The following MYOF variants were observed in gnomAD, a reference collection of about 807,000 sequenced individuals.
The protein encoded by MYOF is fer-1-like 3, myoferlin.
In MYOF, 244 loss-of-function variants were observed where a neutral mutation model predicts 284.2. The observed-to-expected ratio is 0.86, with a 90% CI of 0.77 to 0.95. MYOF has a LOEUF of 0.95. Ranked by LOEUF, MYOF falls within the 40% of genes least tolerant of loss-of-function variation. The probability of loss-of-function intolerance (pLI) is 0.00; values close to 1 mark genes in which losing one functional copy is unlikely to be tolerated. For synonymous variants in MYOF, 904 were observed against 919.7 expected, an observed-to-expected ratio of 0.98 and a Z score of 0.31; for missense variants, 2,496 against 2,560.6, an observed-to-expected ratio of 0.97 and a Z score of 0.54.
chr10:93,405,799 T>C (rs938335812), intron 7 of MYOF, among the ~76,000 whole-genome samples: 6 of 99,496 alleles, frequency 6.0e-5, no homozygotes, highest in African/African-American at 3.7e-4. Flanking sequence ...CTAGGATTTT[T>C]TTTTTTTTTT....
chr10:93,458,208 T>C (rs1366058466), intron 1 of MYOF, among the ~76,000 whole-genome samples: 1 of 151,834 alleles, frequency 6.6e-6, no homozygotes, highest in South Asian at 2.1e-4. Context: ...AACAATTAGC[T>C]CTGTGTGGTG....
chr10:93,478,861 G>GAAAGAAA (rs2057330499), intron 1 of MYOF, among the ~76,000 whole-genome samples: 2 of 54,522 alleles, frequency 3.7e-5, no homozygotes, highest in Non-Finnish European at 8.7e-5. Context: ...AGAAAGAAAG[G>GAAAGAAA]GTTTGAACAC....
intron 23 of MYOF, 97 bp from the exon 24 acceptor site, chr10:93,373,182 T>C: frequency 7.0e-7 from 1 of 1,419,472 alleles, no homozygotes; most frequent in Non-Finnish European, 9.8e-7. Flanking sequence ...CAGGGATTCA[T>C]TTAGCAAAGA....
At position 93,479,491 on chromosome 10, in the gene MYOF, C is replaced by T. The variant is rs184052360; in HGVS notation, c.88+2616G>A. 4.6e-5 allele frequency among the ~76,000 whole-genome samples: 7 copies of T among 152,258 alleles called. No individual in the cohort carries two copies. The East Asian group carries it at 1.2e-3, about 25-fold the overall frequency. ...GTTTGCCATCACCAGGATTTTAAACCACCGACATAGACTGAAAGCAAGAAG... is the reference window on the plus strand; with the variant it reads ...GTTTGCCATCACCAGGATTTTAAACTACCGACATAGACTGAAAGCAAGAAG... On this transcript the variant is annotated intron_variant, in intron 1 of 53. Coordinates refer to ENST00000359263, the MANE Select transcript of MYOF (RefSeq NM_013451.4).
rs769402522 is a variant in MYOF, at chr10:93,310,046, C to T, written c.6121G>A (p.Val2041Met). The change falls in exon 53 of 54, where the codon GTG becomes ATG. Residue 2041 changes from valine (V) to methionine (M), a missense_variant. Val to Met is a conservative substitution (Grantham distance 21). This residue lies in a region of MYOF where 2,436 missense variants were observed against 2,480.7 expected (regional missense o/e 0.98). Transcript: ENST00000359263. ...GGCAAAGAGTAGAGGAGCACGGCCA[C>T]GAAGAGCAGCAGGATAAGCAGGAAC... ...LLFLLILLLF[V>M]AVLLYSLPNY... The T allele has an allele frequency of 1.7e-5, 28 of 1,613,864 alleles. No homozygotes were observed. The highest frequency in any genetic ancestry group is 3.3e-5 in the Admixed American group (2 of 59,992).
chr10:93,362,255 G>GTT (rs35080758), intron 27 of MYOF, among the ~76,000 whole-genome samples: 15 of 145,644 alleles, frequency 1.0e-4, no homozygotes, highest in South Asian at 8.7e-4. Context: ...GCCTGTTTTT[G>GTT]TTTTTTTTGA....
chr10:93,412,557 C>A (rs1847939983), intron 5 of MYOF, among the ~76,000 whole-genome samples: 1 of 152,138 alleles, frequency 6.6e-6, no homozygotes, highest in African/African-American at 2.4e-5. Flanking sequence ...CCGCTCTCTC[C>A]TACCCGCCAC....
chr10:93,407,513 G>A (rs113920869), intron 7 of MYOF, among the ~76,000 whole-genome samples: 5,327 of 147,686 alleles, frequency 0.036, 348 homozygotes, highest in African/African-American at 0.13. Context: ...GGTGGATGAC[G>A]AGGTCAAGAG....
chr10:93,433,960 A>G (rs937477495), intron 3 of MYOF, among the ~76,000 whole-genome samples: 3 of 152,200 alleles, frequency 2.0e-5, no homozygotes, highest in Admixed American at 1.3e-4. Flanking sequence ...CTTTCTATGA[A>G]TAGGATATTG....
In MYOF at chr10:93,313,130, G is replaced by T; in HGVS notation, c.5779C>A (p.Leu1927Ile). The T allele has an allele frequency of 6.2e-7, 1 of 1,614,084 alleles. No homozygotes were observed. Among genetic ancestry groups the T allele is most frequent in the Non-Finnish European group, 8.5e-7 (1 of 1,179,982 alleles). The part of the protein sequence containing the change: ...EKCRLDMIPD[L>I]KAMNPLKAKT... ...GCTTTAAGGGGGTTCATGGCTTTGA[G>T]GTCCGGAATCATGTCCAATCTGCAT... The change falls in exon 51 of 54, where the codon CTC (leucine) becomes ATC (isoleucine). Residue 1927 changes from leucine (L) to isoleucine (I), a missense_variant. Transcript: ENST00000359263.
intron 2 of MYOF, among the ~76,000 whole-genome samples, chr10:93,455,159 C>T (rs2056710228): frequency 6.6e-6 from 1 of 151,542 alleles, no homozygotes; most frequent in Non-Finnish European, 1.5e-5. Flanking sequence ...TGTGGTGGCA[C>T]ATGCCTGTAA....
chr10:93,364,171 T>C, intron 26 of MYOF, 96 bp from the exon 27 acceptor site: 1 of 938,568 alleles, frequency 1.1e-6, no homozygotes, highest in Non-Finnish European at 1.7e-6. Context: ...ACCCTGGGAG[T>C]GGCACCACTT....
At chr10:93,480,809 T>C (rs1308943553) in intron 1 of MYOF, among the ~76,000 whole-genome samples, 1 of 152,090 alleles carries the variant, frequency 6.6e-6, no homozygotes, top group Non-Finnish European at 1.5e-5. Flanking sequence ...TTCATTTTCT[T>C]GCTCATCCTC....
At chr10:93,417,175 A>C (rs1038568378) in intron 5 of MYOF, among the ~76,000 whole-genome samples, 3 of 152,136 alleles carry the variant, frequency 2.0e-5, no homozygotes, top group Non-Finnish European at 4.4e-5. Context: ...AATAATTATA[A>C]TGTCACTTGG....
At chr10:93,403,948 A>T in intron 9 of MYOF, 75 bp downstream of exon 9, 1 of 1,492,986 alleles carries the variant, frequency 6.7e-7, no homozygotes, top group Non-Finnish European at 9.3e-7. Flanking sequence ...CAAGATGCGT[A>T]CATAGGAATC....
At chr10:93,332,734 C>T (rs1216338560) in intron 43 of MYOF, among the ~76,000 whole-genome samples, 12 of 151,936 alleles carry the variant, frequency 7.9e-5, no homozygotes, top group Admixed American at 5.2e-4. Flanking sequence ...GTAGTCCCAG[C>T]TACTCGGGAG....
At position 93,482,176 on chromosome 10, in the gene MYOF, C is replaced by G; in HGVS notation, c.19G>C (p.Glu7Gln). Residue 7 changes from glutamate (E) to glutamine (Q), a missense_variant, in exon 1 of 54, where the codon GAA (glutamate) becomes CAA (glutamine). Physicochemically the swap from Glu to Gln is conservative, Grantham distance 29. Coordinates refer to ENST00000359263, the MANE Select transcript of MYOF (RefSeq NM_013451.4). ...GTTTTAGGGATATTGCTGGCAGATT[C>G]CACAATCACTCGCAGCATGGTTCTT... MLRVIVESASNIPKTKF... is the reference protein window; with the variant it reads MLRVIVQSASNIPKTKF... The G allele has an allele frequency of 6.2e-7, 1 of 1,614,092 alleles. No individual in the cohort carries two copies. Among genetic ancestry groups the G allele is most frequent in the Non-Finnish European group, 8.5e-7 (1 of 1,179,960 alleles).
chr10:93,383,449 C>T (rs947997494), intron 19 of MYOF, among the ~76,000 whole-genome samples: 11 of 152,192 alleles, frequency 7.2e-5, no homozygotes, highest in African/African-American at 1.9e-4. Context: ...GAAGCTTTGA[C>T]GGGAGCATTG....
rs974756123 is a variant in MYOF, at chr10:93,366,500, C to T, written c.2645G>A (p.Arg882His). 1.4e-5 allele frequency: 23 copies of T among 1,613,572 alleles called. No homozygotes were observed. In the African/African-American group the frequency reaches 2.0e-4, roughly 14 times the overall value. Residue 882 changes from arginine to histidine, a missense_variant, in exon 26 of 54, where the codon CGT (arginine) becomes CAT (histidine). Arg to His is a conservative substitution (Grantham distance 29). Around this residue, in one of 3 missense-constraint regions of MYOF, gnomAD observed 2,436 missense variants for 2,480.7 expected, o/e 0.98. Transcript: ENST00000359263. ...TCCTGTGACATCAGAAAACTTATGA[C>T]GTCCTACTAATCCAGAAGTACCCCA... ...GKWGTSGLVG[R>H]HKFSDVTGKI... is the part of the protein sequence containing the mutation.
Sources: gnomAD v4.1 joint callset for allele counts (sites outside exome capture counted in the v4.1 genomes callset) on GRCh38, gnomAD v4.1.1 for gene constraint, gnomAD v4.1.1 regional missense constraint, MANE v1.5 for transcripts, NCBI Gene and HGNC (gene_info 2026-07-23, HGNC 2026-07-21) for gene names.